TNIK: variants seen among roughly 807,000 people sequenced by gnomAD.
TNIK encodes TRAF2 and NCK-interacting protein kinase.
A neutral mutation model predicts 191.3 loss-of-function variants in TNIK; 49 were observed. That is an observed-to-expected ratio of 0.26 (90% CI 0.20 to 0.32). The LOEUF is 0.32. Ranked by LOEUF, TNIK falls within the 10% of genes least tolerant of loss-of-function variation. The pLI is 1.00. For missense variants in TNIK, 1,155 were observed against 1,702.3 expected, an observed-to-expected ratio of 0.68 and a Z score of 5.66; for synonymous variants, 594 against 600.9, an observed-to-expected ratio of 0.99 and a Z score of 0.17.
intron 2 of TNIK, among the ~76,000 whole-genome samples, chr3:171,291,639 T>C (rs933620522): frequency 6.6e-6 from 1 of 152,206 alleles, no homozygotes; most frequent in African/African-American, 2.4e-5. Flanking sequence ...CTATGTTGTG[T>C]GCCATTCTCC....
chr3:171,179,795 A>G (rs1337048334), intron 7 of TNIK, among the ~76,000 whole-genome samples: 1 of 152,160 alleles, frequency 6.6e-6, no homozygotes, highest in Non-Finnish European at 1.5e-5. Context: ...ATCATTTCGG[A>G]ACATGAGAGA....
chr3:171,274,037 A>C (rs2109208415), intron 2 of TNIK, among the ~76,000 whole-genome samples: 1 of 152,364 alleles, frequency 6.6e-6, no homozygotes, highest in East Asian at 1.9e-4. Flanking sequence ...AGCAATATGA[A>C]ATTGGAGTGA....
intron 18 of TNIK, among the ~76,000 whole-genome samples, chr3:171,116,969 A>G (rs573331145): frequency 1.1e-3 from 167 of 152,346 alleles, no homozygotes; most frequent in Non-Finnish European, 9.6e-4. Flanking sequence ...AGAAGGAAGG[A>G]CAAGGAACAG....
chr3:171,073,125 T>C (rs929689891), intron 28 of TNIK, among the ~76,000 whole-genome samples: 4 of 152,004 alleles, frequency 2.6e-5, no homozygotes, highest in African/African-American at 9.7e-5. Context: ...AAGTTGAAGG[T>C]ATCACATTAC....
At chr3:171,414,548 A>G (rs1722812153) in intron 1 of TNIK, among the ~76,000 whole-genome samples, 1 of 152,202 alleles carries the variant, frequency 6.6e-6, no homozygotes, top group Non-Finnish European at 1.5e-5. Context: ...AGCCCCAATC[A>G]GATAACCAGG....
intron 2 of TNIK, among the ~76,000 whole-genome samples, chr3:171,305,854 C>G (rs1000023002): frequency 1.6e-4 from 24 of 152,182 alleles, no homozygotes; most frequent in Non-Finnish European, 2.9e-5. Flanking sequence ...ACCCAGCAAT[C>G]CCACTACTGG....
rs1717533406 is a variant in TNIK, at chr3:171,058,487, T to C, written c.*5394A>G. ...ATTCCAGGACATGGTAGTTACCATG[T>C]GGGGAAACCTATCAAAGCATTTTTA... On this transcript the variant is annotated 3_prime_UTR_variant, in exon 33 of 33. Coordinates refer to ENST00000436636, the MANE Select transcript of TNIK (RefSeq NM_015028.4). 6.6e-6 allele frequency among the ~76,000 whole-genome samples: 1 copy of C among 152,176 alleles called. No homozygotes were observed. Among genetic ancestry groups the C allele is most frequent in the Non-Finnish European group, 1.5e-5 (1 of 68,018 alleles).
intron 28 of TNIK, among the ~76,000 whole-genome samples, chr3:171,076,293 T>C (rs1296271109): frequency 6.6e-6 from 1 of 152,160 alleles, no homozygotes; most frequent in Non-Finnish European, 1.5e-5. Flanking sequence ...AGACTCTGCT[T>C]CAAAATAGAG....
chr3:171,395,040 G>T (rs1381578818), intron 1 of TNIK, among the ~76,000 whole-genome samples: 1 of 152,072 alleles, frequency 6.6e-6, no homozygotes, highest in Non-Finnish European at 1.5e-5. Flanking sequence ...ACAATATACG[G>T]CTTGATAAGG....
At chr3:171,189,513 T>C (rs1257558381) in intron 6 of TNIK, among the ~76,000 whole-genome samples, 1 of 152,212 alleles carries the variant, frequency 6.6e-6, no homozygotes, top group East Asian at 1.9e-4. Flanking sequence ...GGTAGTATTT[T>C]GGGGATACAA....
intron 4 of TNIK, among the ~76,000 whole-genome samples, chr3:171,197,589 C>T (rs940163670): frequency 2.6e-5 from 4 of 152,014 alleles, no homozygotes; most frequent in African/African-American, 4.8e-5. Flanking sequence ...TAAAAATGGG[C>T]AAAGGACTTG....
chr3:171,376,231 A>T lies in TNIK; in HGVS notation c.58-6546T>A, dbSNP rs116409831. ...TTGAGGCTTCAGGCTTTTCAACATCATCTTCGAAAGTACAGCATTAGGAAA... is the reference window on the plus strand; with the variant it reads ...TTGAGGCTTCAGGCTTTTCAACATCTTCTTCGAAAGTACAGCATTAGGAAA... On this transcript the variant is annotated intron_variant, in intron 1 of 32. Transcript: ENST00000436636. 4.6e-3 allele frequency among the ~76,000 whole-genome samples: 694 copies of T among 152,300 alleles called. 7 individuals are homozygous for T. Among genetic ancestry groups the T allele is most frequent in the African/African-American group, 0.016 (654 of 41,572 alleles).
chr3:171,456,632 G>C lies in TNIK; in HGVS notation c.57+3375C>G, dbSNP rs190149526. Among the ~76,000 whole-genome samples, 186 of 152,302 alleles carry C rather than the reference G, an allele frequency of 1.2e-3. 2 individuals are homozygous for C. The highest frequency in any genetic ancestry group is 4.4e-3 in the African/African-American group (182 of 41,552). On this transcript the variant is annotated intron_variant, in intron 1 of 32. Transcript: ENST00000436636. ...GTGTCCTAGGTGATTTCAGACAGTC[G>C]TTTGCCTGCAGAGTAGGCATTGAAC...
chr3:171,285,578 G>A (rs941322086), intron 2 of TNIK, among the ~76,000 whole-genome samples: 5 of 152,212 alleles, frequency 3.3e-5, no homozygotes, highest in African/African-American at 1.2e-4. Context: ...ATGTGTTCAT[G>A]TGTGTACAGT....
intron 12 of TNIK, among the ~76,000 whole-genome samples, chr3:171,144,610 T>TA (rs113121653): frequency 0.23 from 34,331 of 152,182 alleles, 4,169 homozygotes; most frequent in Non-Finnish European, 0.28. Context: ...CTTAAACACT[T>TA]ACCATTGCTT....
At chr3:171,230,284 G>C (rs574899578) in intron 2 of TNIK, among the ~76,000 whole-genome samples, 1 of 152,296 alleles carries the variant, frequency 6.6e-6, no homozygotes, top group South Asian at 2.1e-4. Context: ...GGAATCAACA[G>C]CTTTGTAACC....
rs1728855287 is a variant in TNIK, at chr3:171,128,882, C to CAA, written c.1609-6_1609-5dup. ...TGAGCCTTGACCGTTCTTCTACCTACAACCCAAAAAAAAAAAAAAAAAAAA... is the reference window on the plus strand; with the variant it reads ...TGAGCCTTGACCGTTCTTCTACCTACAAAACCCAAAAAAAAAAAAAAAAAAAA... On this transcript the variant is annotated splice_region_variant and splice_polypyrimidine_tract_variant and intron_variant, in intron 15 of 32. Transcript: ENST00000436636. The CAA allele has an allele frequency of 8.4e-7, 1 of 1,193,404 alleles. No individual in the cohort carries two copies. Among genetic ancestry groups the CAA allele is most frequent in the Non-Finnish European group, 1.1e-6 (1 of 936,104 alleles). The allele number at this position is 1,193,404 out of a possible 1,614,324, so 73.9% of individuals were successfully genotyped here.
chr3:171,298,162 G>A (rs1421705673), intron 2 of TNIK, among the ~76,000 whole-genome samples: 1 of 152,198 alleles, frequency 6.6e-6, no homozygotes, highest in South Asian at 2.1e-4. Context: ...AGGCTAAAGT[G>A]TGTGTTGGTT....
intron 1 of TNIK, among the ~76,000 whole-genome samples, chr3:171,406,199 AGTG>A (rs1721650889): frequency 6.6e-6 from 1 of 152,148 alleles, no homozygotes; most frequent in Non-Finnish European, 1.5e-5. Flanking sequence ...CCATGGGTTC[AGTG>A]GTGGTCCCTG....
Sources: gnomAD v4.1 joint callset for allele counts (sites outside exome capture counted in the v4.1 genomes callset) on GRCh38, gnomAD v4.1.1 for gene constraint, MANE v1.5 for transcripts, NCBI Gene and HGNC (gene_info 2026-07-23, HGNC 2026-07-21) for gene names.